Variants in GRIN2B observed in about 807,000 individuals in gnomAD.
The protein encoded by GRIN2B is glutamate ionotropic receptor NMDA type subunit 2B.
Under a neutral mutation model 114.5 loss-of-function variants are expected in GRIN2B, and 5 were observed. The ratio of observed to expected loss-of-function variants is 0.04; its 90% CI spans 0.02 to 0.09. GRIN2B has a LOEUF of 0.09. GRIN2B is among the 10% of genes least tolerant of loss of function. The probability of loss-of-function intolerance (pLI) is 1.00; values close to 1 mark genes in which losing one functional copy is unlikely to be tolerated. For missense variants in GRIN2B, 1,108 were observed against 1,943.5 expected (o/e 0.57, Z 8.08); for synonymous variants, 787 against 745.1 (o/e 1.06, Z -0.92).
At position 13,547,907 on chromosome 12, in the gene GRIN2B, T is replaced by C. The variant is rs1948362551; in HGVS notation, c.*14876A>G. 1 of 149,392 alleles carries C rather than the reference T, an allele frequency of 6.7e-6. No individual in the cohort carries two copies. The highest frequency in any genetic ancestry group is 6.7e-5 in the Admixed American group (1 of 14,908). 9.3% of individuals were successfully genotyped at this position (149,392 alleles called of 1,614,324 possible). A position where few individuals can be genotyped will look rare whatever the true frequency, so the allele number is the denominator to read the frequency against. On this transcript the variant is annotated 3_prime_UTR_variant, in exon 14 of 14. Coordinates refer to ENST00000609686, the MANE Select transcript of GRIN2B (RefSeq NM_000834.5). ...CACCCAGATATCTGGCTTCTGTCAATAGGCCTTACCCAAACAGGGTTATGT... is the reference window on the plus strand; with the variant it reads ...CACCCAGATATCTGGCTTCTGTCAACAGGCCTTACCCAAACAGGGTTATGT...
chr12:13,641,600 C>T (rs1949716581), intron 5 of GRIN2B, among the ~76,000 whole-genome samples: 1 of 152,148 alleles, frequency 6.6e-6, no homozygotes, highest in African/African-American at 2.4e-5. Flanking sequence ...TTAGCCTACA[C>T]TTTAAATTCA....
intron 2 of GRIN2B, among the ~76,000 whole-genome samples, chr12:13,891,669 T>C (rs1442242941): frequency 9.2e-5 from 14 of 152,160 alleles, no homozygotes; most frequent in Admixed American, 8.5e-4. Flanking sequence ...AAATTTACCA[T>C]GGTGCTGGCA....
Position 13,615,108 on chromosome 12 carries a change from A to G in GRIN2B, c.1654+6T>C, listed in dbSNP as rs745738360. The G allele has an allele frequency of 6.2e-7, 1 of 1,610,880 alleles. No homozygotes were observed. Among genetic ancestry groups the G allele is most frequent in the South Asian group, 1.1e-5 (1 of 91,006 alleles). On this transcript the variant is annotated splice_donor_region_variant and intron_variant, in intron 8 of 13. Coordinates refer to ENST00000609686, the MANE Select transcript of GRIN2B (RefSeq NM_000834.5). This position sits in a 1 kb window ranked among gnomAD's most constrained non-coding sequence, Gnocchi z 5.8. Reference sequence around the variant, plus strand: ...ATTTCCTTCCACCAGCAAACCCATCATTTACCTAAGAAGGCAGAAGGTGAG... The same window carrying G: ...ATTTCCTTCCACCAGCAAACCCATCGTTTACCTAAGAAGGCAGAAGGTGAG...
intron 10 of GRIN2B, among the ~76,000 whole-genome samples, chr12:13,608,383 G>T (rs1464148678): frequency 6.6e-6 from 1 of 152,126 alleles, no homozygotes; most frequent in East Asian, 1.9e-4. Flanking sequence ...TTTCAGCCTA[G>T]GGTGTACTAG....
intron 2 of GRIN2B, among the ~76,000 whole-genome samples, chr12:13,943,738 A>G (rs900787641): frequency 2.6e-5 from 4 of 152,172 alleles, no homozygotes; most frequent in African/African-American, 9.7e-5. Flanking sequence ...CTTATCCAAA[A>G]GGCCTTTCCT....
intron 10 of GRIN2B, among the ~76,000 whole-genome samples, chr12:13,592,500 G>T (rs796102069): frequency 1.1e-4 from 17 of 152,260 alleles, no homozygotes; most frequent in African/African-American, 3.9e-4. Flanking sequence ...TAATAAATCT[G>T]CCTTTCTTTA....
At chr12:13,577,426 C>T (rs1438983974) in intron 10 of GRIN2B, among the ~76,000 whole-genome samples, 1 of 152,130 alleles carries the variant, frequency 6.6e-6, no homozygotes, top group Non-Finnish European at 1.5e-5. Context: ...AGCAGCCATG[C>T]AAGGAGAAAG....
intron 3 of GRIN2B, among the ~76,000 whole-genome samples, chr12:13,809,613 G>T (rs899166806): frequency 6.6e-6 from 1 of 152,010 alleles, no homozygotes; most frequent in African/African-American, 2.4e-5. Context: ...CCTGAGAGAT[G>T]GTCAGCATGA....
At chr12:13,566,401 A>T (rs1449820767) in intron 13 of GRIN2B, among the ~76,000 whole-genome samples, 2 of 152,178 alleles carry the variant, frequency 1.3e-5, no homozygotes, top group African/African-American at 2.4e-5. Flanking sequence ...CATACATAAA[A>T]CTGTCTTCCT....
chr12:13,902,275 A>C lies in GRIN2B; in HGVS notation c.-18-36049T>G, dbSNP rs556109115. Among the ~76,000 whole-genome samples the C allele has an allele frequency of 7.9e-4, 120 of 152,304 alleles. 1 individual carries two copies. The highest frequency in any genetic ancestry group is 1.2e-3 in the Admixed American group (18 of 15,296). ...ATCTATTTGTTAAATTCTGAAAAAA[A>C]ATCTGCCGCATATTAATTTCAATTA... On this transcript the variant is annotated intron_variant, in intron 2 of 13. Transcript: ENST00000609686.
intron 4 of GRIN2B, among the ~76,000 whole-genome samples, chr12:13,714,140 G>A (rs1591691718): frequency 6.6e-6 from 1 of 151,718 alleles, no homozygotes; most frequent in Non-Finnish European, 1.5e-5. Flanking sequence ...TCTCCTTCCT[G>A]TCCTCCCTCC....
At position 13,760,983 on chromosome 12, in the gene GRIN2B, T is replaced by G. The variant is rs1320179975; in HGVS notation, c.412-7068A>C. Among the ~76,000 whole-genome samples, 3 of 152,192 alleles carry G rather than the reference T, an allele frequency of 2.0e-5. No homozygotes were observed. The East Asian group carries it at 5.8e-4, about 29-fold the overall frequency. On this transcript the variant is annotated intron_variant, in intron 3 of 13. Transcript: ENST00000609686. The stretch of plus-strand genomic sequence containing the variant: ...GTTTTGCGAACAGTGTCTTGCAAGA[T>G]AGGGAAAATTTCCGATGTTCTCCAG...
rs1056372878 is a variant in GRIN2B at position 13,980,622 on chromosome 12, G to T, written c.-447-266C>A. ...GAATGGAAGAGGAGAGAGGGAGGGA[G>T]CGAGCGAAGGAGGGAAGTGGGAAGG... On this transcript the variant is annotated intron_variant, in intron 1 of 13. Transcript: ENST00000609686. 2.0e-5 allele frequency among the ~76,000 whole-genome samples: 3 copies of T among 151,726 alleles called. 1 individual carries two copies. Among genetic ancestry groups the T allele is most frequent in the South Asian group, 4.2e-4 (2 of 4,796 alleles).
intron 3 of GRIN2B, among the ~76,000 whole-genome samples, chr12:13,835,648 C>T (rs1676098301): frequency 6.6e-6 from 1 of 151,688 alleles, no homozygotes; most frequent in African/African-American, 2.4e-5. Flanking sequence ...GGAAGGCACC[C>T]CCTTTAGCCT....
rs958537623 is a variant in GRIN2B, at chr12:13,894,384, A to G, written c.-18-28158T>C. On this transcript the variant is annotated intron_variant, in intron 2 of 13. Transcript: ENST00000609686. ...AAATTGTGCTATAGCTTTATGACAG[A>G]ATGCTAAGTAGCCTAAAAAAATTAT... Among the ~76,000 whole-genome samples the G allele has an allele frequency of 5.9e-5, 9 of 152,274 alleles. No individual in the cohort carries two copies. In the East Asian group the frequency reaches 1.5e-3, roughly 26 times the overall value.
intron 4 of GRIN2B, among the ~76,000 whole-genome samples, chr12:13,748,570 G>A (rs1863428256): frequency 1.3e-5 from 2 of 152,080 alleles, no homozygotes; most frequent in Admixed American, 6.5e-5. Context: ...GTACCAAAAC[G>A]TTTTTAGACT....
At chr12:13,812,162 A>C (rs1177805542) in intron 3 of GRIN2B, among the ~76,000 whole-genome samples, 1 of 152,174 alleles carries the variant, frequency 6.6e-6, no homozygotes, top group Non-Finnish European at 1.5e-5. Context: ...ATAAAAATCG[A>C]TTGAACAAAT....
At chr12:13,791,975 C>T (rs529223578) in intron 3 of GRIN2B, among the ~76,000 whole-genome samples, 3 of 152,334 alleles carry the variant, frequency 2.0e-5, no homozygotes, top group South Asian at 2.1e-4. Flanking sequence ...CTACCCTTCC[C>T]GGCCTCTGGT....
chr12:13,700,922 C>T (rs1238890899), intron 4 of GRIN2B, among the ~76,000 whole-genome samples: 1 of 152,148 alleles, frequency 6.6e-6, no homozygotes, highest in Admixed American at 6.5e-5. Context: ...TGTTTTCATA[C>T]TGCTATAAAG....
Sources: allele counts gnomAD v4.1 joint callset (sites outside exome capture counted in the v4.1 genomes callset), GRCh38; gene constraint gnomAD v4.1.1; non-coding constraint Gnocchi (gnomAD v3.1); transcripts MANE v1.5; gene names NCBI Gene and HGNC (gene_info 2026-07-23, HGNC 2026-07-21).